The following SEPTIN10 variants were observed in gnomAD, a reference collection of about 807,000 sequenced individuals.
The protein encoded by SEPTIN10 is septin 10.
SEPTIN10 carries 66 observed loss-of-function variants against 54.8 expected under a neutral mutation model. That is an observed-to-expected ratio of 1.21 (90% confidence interval 0.99 to 1.48). SEPTIN10 has a LOEUF of 1.48. Among genes scored for constraint, SEPTIN10 ranks in the 40% most tolerant of loss-of-function variants. The pLI is 0.00. For missense variants in SEPTIN10, 620 were observed against 545.6 expected, an observed-to-expected ratio of 1.14 and a Z score of -1.36; for synonymous variants, 161 against 181.0, an observed-to-expected ratio of 0.89 and a Z score of 0.89.
At chr2:109,547,459 A>C (rs749505557) in intron 9 of SEPTIN10, among the ~76,000 whole-genome samples, 1 of 151,392 alleles carries the variant, frequency 6.6e-6, no homozygotes, top group Non-Finnish European at 1.5e-5. Flanking sequence ...ACAACTGTTA[A>C]ATGAGTTTCA....
intron 6 of SEPTIN10, 82 bp from the exon 7 acceptor site, chr2:109,565,941 GAAT>G (rs1686910770): frequency 4.0e-6 from 5 of 1,234,666 alleles, no homozygotes; most frequent in Non-Finnish European, 6.0e-6. Context: ...AGAGAGAAGA[GAAT>G]AATTAAATAA....
At chr2:109,610,095 G>GTTTTTTTTTTTTTTTTTTTTTTTTTT (rs554268137) in intron 1 of SEPTIN10, among the ~76,000 whole-genome samples, 1 of 143,434 alleles carries the variant, frequency 7.0e-6, no homozygotes, top group African/African-American at 2.6e-5. Context: ...TCCCTGAGGT[G>GTTTTTTTTTTTTTTTTTTTTTTTTTT]TTTTTTTTTT....
In SEPTIN10 at chr2:109,590,052, G is replaced by T. The variant is rs1693599079; in HGVS notation, c.99+2999C>A. On this transcript the variant is annotated intron_variant, in intron 2 of 10. Transcript: ENST00000397712. Reference sequence around the variant, plus strand: ...CACATATATACACACATATATATGTGTGTGTATATATATACACACACATAT... The same window carrying T: ...CACATATATACACACATATATATGTTTGTGTATATATATACACACACATAT... Among the ~76,000 whole-genome samples the T allele has an allele frequency of 2.0e-5, 3 of 146,354 alleles. 1 individual carries two copies. In the South Asian group the frequency reaches 7.1e-4, roughly 35 times the overall value.
Position 109,613,928 on chromosome 2 carries a change from C to G in SEPTIN10, c.-101G>C, listed in dbSNP as rs1324516698. On this transcript the variant is annotated 5_prime_UTR_variant, in exon 1 of 11. Coordinates refer to ENST00000397712, the MANE Select transcript of SEPTIN10 (RefSeq NM_144710.5). ...AAGGCCGGAGGGCAGAAGCAACGGG[C>G]GGGGCGCGAGGCTAGGCTGCCTCCG... 2.9e-5 allele frequency: 32 copies of G among 1,113,328 alleles called. No individual in the cohort carries two copies. The highest frequency in any genetic ancestry group is 4.9e-5 in the Admixed American group (1 of 20,304). The allele number at this position is 1,113,328 out of a possible 1,614,324, so 69.0% of individuals were successfully genotyped here. A position where few individuals can be genotyped will look rare whatever the true frequency, so the allele number is the denominator to read the frequency against.
intron 7 of SEPTIN10, 56 bp downstream of exon 7, chr2:109,565,707 T>C (rs1686822868): frequency 7.2e-7 from 1 of 1,386,756 alleles, no homozygotes; most frequent in African/African-American, 1.4e-5. Flanking sequence ...GCATGACAGG[T>C]AGCTTTGAGA....
At position 109,569,857 on chromosome 2, in the gene SEPTIN10, A is replaced by T. The variant is rs142221160; in HGVS notation, c.601-1881T>A. Among the ~76,000 whole-genome samples, 4 of 152,280 alleles carry T rather than the reference A, an allele frequency of 2.6e-5. No individual in the cohort carries two copies. The South Asian group carries it at 8.3e-4, about 32-fold the overall frequency. ...CTTGTCACCAATGGCGTAAGAGAAG[A>T]TAACTTTCCATGTCAAGCAGTCGAA... On this transcript the variant is annotated intron_variant, in intron 5 of 10. Transcript: ENST00000397712.
chr2:109,588,302 T>C (rs927754778), intron 2 of SEPTIN10, among the ~76,000 whole-genome samples: 4 of 152,030 alleles, frequency 2.6e-5, no homozygotes, highest in Admixed American at 6.6e-5. Flanking sequence ...ATGAAGATCA[T>C]CAGAAAGGTA....
In SEPTIN10 at chr2:109,574,778, A is replaced by G. The variant is rs375034744; in HGVS notation, c.414-11T>C. 13 of 1,558,124 alleles carry G rather than the reference A, an allele frequency of 8.3e-6. No individual in the cohort carries two copies. The highest frequency in any genetic ancestry group is 1.2e-5 in the South Asian group (1 of 81,254). ...ACTATTGGTTGGTAGCTGAAAAATT[A>G]TTTAAATGTTTAATACAACATTATT... On this transcript the variant is annotated splice_polypyrimidine_tract_variant and intron_variant, in intron 4 of 10. Transcript: ENST00000397712.
rs1268756046 is a variant in SEPTIN10, at chr2:109,543,573, T to C, written c.*736A>G. 6.6e-6 allele frequency: 1 copy of C among 152,176 alleles called. No individual in the cohort carries two copies. Among genetic ancestry groups the C allele is most frequent in the Non-Finnish European group, 1.5e-5 (1 of 68,026 alleles). 9.4% of individuals were successfully genotyped at this position (152,176 alleles called of 1,614,324 possible). On this transcript the variant is annotated 3_prime_UTR_variant, in exon 11 of 11. Coordinates refer to ENST00000397712, the MANE Select transcript of SEPTIN10 (RefSeq NM_144710.5). Reference sequence around the variant, plus strand: ...GCTCCATAATACATCCCAAAACATATTCCCCAAAATTTTTAGCATATATAA... The same window carrying C: ...GCTCCATAATACATCCCAAAACATACTCCCCAAAATTTTTAGCATATATAA...
intron 9 of SEPTIN10, among the ~76,000 whole-genome samples, chr2:109,551,946 C>A (rs1558704613): frequency 6.6e-6 from 1 of 152,192 alleles, no homozygotes; most frequent in East Asian, 1.9e-4. Context: ...GGTCCCCAAT[C>A]CCCAGGCCGC....
intron 10 of SEPTIN10, chr2:109,544,556 AG>A (rs34314327): frequency 0.1 from 101,070 of 983,874 alleles, 5,919 homozygotes; most frequent in African/African-American, 0.26. Flanking sequence ...TCTCAAGTGG[AG>A]CAGGGTGATA....
At chr2:109,554,075 A>T (rs1367007357) in intron 8 of SEPTIN10, among the ~76,000 whole-genome samples, 2 of 152,218 alleles carry the variant, frequency 1.3e-5, no homozygotes, top group African/African-American at 2.4e-5. Flanking sequence ...AACCCTTCTA[A>T]TATTAAACAC....
At chr2:109,613,284 AGGCGGG>A in intron 1 of SEPTIN10, 1 of 798,336 alleles carries the variant, frequency 1.3e-6, no homozygotes, top group South Asian at 2.0e-5. Context: ...AAAAGAGTCA[AGGCGGG>A]AAAAAAACGG....
intron 4 of SEPTIN10, among the ~76,000 whole-genome samples, chr2:109,583,641 T>C (rs1444362684): frequency 3.3e-5 from 5 of 152,138 alleles, no homozygotes; most frequent in African/African-American, 1.2e-4. Context: ...ACTTGGAATA[T>C]ATCCAAAAGA....
intron 9 of SEPTIN10, among the ~76,000 whole-genome samples, chr2:109,551,745 CTGTAAG>C (rs1300680531): frequency 6.6e-6 from 1 of 152,204 alleles, no homozygotes; most frequent in Non-Finnish European, 1.5e-5. Flanking sequence ...ATAGCAAGTA[CTGTAAG>C]TGTATTTGAA....
intron 1 of SEPTIN10, chr2:109,613,210 G>A (rs1298904551): frequency 1.3e-5 from 17 of 1,282,860 alleles, no homozygotes; most frequent in Non-Finnish European, 4.1e-6. Flanking sequence ...TAACAAGCGA[G>A]ATAAATCTAC....
At chr2:109,545,237 T>A in intron 10 of SEPTIN10, 1 of 1,351,912 alleles carries the variant, frequency 7.4e-7, no homozygotes, top group Non-Finnish European at 9.5e-7. Context: ...CAAGGCATGA[T>A]GAATTTCCTC....
At chr2:109,551,474 C>T (rs1039637559) in intron 9 of SEPTIN10, among the ~76,000 whole-genome samples, 2 of 152,034 alleles carry the variant, frequency 1.3e-5, no homozygotes, top group African/African-American at 4.8e-5. Context: ...GGTTCAAAAA[C>T]AAAAACAGAA....
chr2:109,603,456 G>T (rs1187914234), intron 1 of SEPTIN10, among the ~76,000 whole-genome samples: 1 of 151,988 alleles, frequency 6.6e-6, no homozygotes, highest in Non-Finnish European at 1.5e-5. Context: ...AGCCAAGATG[G>T]TCTCAATCTC....
Sources: gnomAD v4.1 joint callset for allele counts (sites outside exome capture counted in the v4.1 genomes callset) on GRCh38, gnomAD v4.1.1 for gene constraint, MANE v1.5 for transcripts, NCBI Gene and HGNC (gene_info 2026-07-23, HGNC 2026-07-21) for gene names.